Variants in CCDC174 observed in about 807,000 individuals in gnomAD.
CCDC174 encodes coiled-coil domain containing 174, also known as coiled-coil domain-containing protein 174.
In CCDC174, 37 loss-of-function variants were observed where a neutral mutation model predicts 57.1. The ratio of observed to expected loss-of-function variants is 0.65; its 90% confidence interval spans 0.50 to 0.85. The LOEUF is 0.85. Ranked by LOEUF, CCDC174 falls within the 40% of genes least tolerant of loss-of-function variation. The probability of loss-of-function intolerance (pLI) is 0.00; values close to 1 mark genes in which losing one functional copy is unlikely to be tolerated. For missense variants in CCDC174, 540 were observed against 574.3 expected (o/e 0.94, Z 0.61); for synonymous variants, 182 against 190.2 (o/e 0.96, Z 0.35).
intron 7 of CCDC174, 140 bp from the exon 8 acceptor site, chr3:14,667,284 C>T (rs575324862): frequency 2.0e-4 from 143 of 707,840 alleles, no homozygotes; most frequent in South Asian, 9.2e-4. Flanking sequence ...TTTGTTTCTT[C>T]GCTTAGCTGT....
At chr3:14,667,554 G>T (rs1435395973) in intron 8 of CCDC174, 36 bp downstream of exon 8, 2 of 1,509,402 alleles carry the variant, frequency 1.3e-6, no homozygotes, top group Admixed American at 1.7e-5. Context: ...GAGGAAAGAT[G>T]TGAGCGCTTG....
At chr3:14,663,532 A>G (rs1431286763) in intron 5 of CCDC174, among the ~76,000 whole-genome samples, 2 of 152,182 alleles carry the variant, frequency 1.3e-5, no homozygotes. Context: ...GGAAGATGGC[A>G]TGGCTGTTAG....
At chr3:14,652,698 T>TA in intron 1 of CCDC174, among the ~76,000 whole-genome samples, 1 of 152,040 alleles carries the variant, frequency 6.6e-6, no homozygotes, top group Non-Finnish European at 1.5e-5. Flanking sequence ...GGTCGGGAGT[T>TA]TGAGACCAGT....
chr3:14,666,738 GACTGT>G, intron 6 of CCDC174, 62 bp from the exon 7 acceptor site: 1 of 1,295,572 alleles, frequency 7.7e-7, no homozygotes, highest in Admixed American at 2.5e-5. Flanking sequence ...TGATGCAACT[GACTGT>G]ACTTAAACAC....
intron 5 of CCDC174, chr3:14,661,921 A>G (rs2031153084): frequency 2.0e-6 from 1 of 490,738 alleles, no homozygotes; most frequent in South Asian, 3.1e-5. Flanking sequence ...CAATAATTAC[A>G]TATAATTACA....
Position 14,666,911 on chromosome 3 carries a change from A to G in CCDC174, c.688A>G (p.Met230Val), listed in dbSNP as rs2031362631. ...EEEREALKRP[M>V]GPVHYEDIRE... ...AGAAAGAGAGGCCCTGAAGAGGCCCATGGGGCCCGTACATTATGAAGACAT... is the reference window on the plus strand; with the variant it reads ...AGAAAGAGAGGCCCTGAAGAGGCCCGTGGGGCCCGTACATTATGAAGACAT... The change falls in exon 7 of 11, where the codon ATG (methionine) becomes GTG (valine). Residue 230 changes from methionine (M) to valine (V), a missense_variant. Physicochemically the swap from Met to Val is conservative, Grantham distance 21. Transcript: ENST00000383794. 1 of 1,600,856 alleles carries G rather than the reference A, an allele frequency of 6.2e-7. No homozygotes were observed. Among genetic ancestry groups the G allele is most frequent in the South Asian group, 1.1e-5 (1 of 88,402 alleles).
chr3:14,654,951 A>G (rs1219461687), intron 2 of CCDC174, among the ~76,000 whole-genome samples: 1 of 152,206 alleles, frequency 6.6e-6, no homozygotes, highest in African/African-American at 2.4e-5. Context: ...TAATATGTAC[A>G]TTTTCATTAA....
chr3:14,665,403 C>G (rs2031281853), intron 6 of CCDC174, among the ~76,000 whole-genome samples: 1 of 152,148 alleles, frequency 6.6e-6, no homozygotes, highest in Non-Finnish European at 1.5e-5. Context: ...CAAACGAAAC[C>G]AGCAAACCAG....
intron 6 of CCDC174, among the ~76,000 whole-genome samples, chr3:14,665,515 ATTT>A (rs1242140245): frequency 6.6e-6 from 1 of 152,182 alleles, no homozygotes; most frequent in Non-Finnish European, 1.5e-5. Flanking sequence ...GTATCATTGC[ATTT>A]TTGAAGTAAG....
rs2030782611 is a variant in CCDC174, at chr3:14,651,957, T to C, written c.42+79T>C. ...CAGACAAGAATGTCGACCTAGCTTG[T>C]TTCTTCACTCGGGGACCCAGAGACC... On this transcript the variant is annotated intron_variant, in intron 1 of 10. Transcript: ENST00000383794. The C allele has an allele frequency of 3.5e-6, 5 of 1,432,412 alleles. No individual in the cohort carries two copies. In the South Asian group the frequency reaches 3.5e-5, roughly 10 times the overall value. The allele number at this position is 1,432,412 out of a possible 1,614,324, so 88.7% of individuals were successfully genotyped here.
intron 5 of CCDC174, among the ~76,000 whole-genome samples, chr3:14,663,142 C>T (rs1210309790): frequency 6.6e-6 from 1 of 152,192 alleles, no homozygotes; most frequent in African/African-American, 2.4e-5. Flanking sequence ...CAGCCTCGAC[C>T]TCCTGGGCTG....
At chr3:14,659,836 G>T (rs965951927) in intron 4 of CCDC174, among the ~76,000 whole-genome samples, 4 of 152,186 alleles carry the variant, frequency 2.6e-5, no homozygotes, top group African/African-American at 9.7e-5. Context: ...GAGAAGTTGG[G>T]CTTAGCTTTG....
intron 3 of CCDC174, among the ~76,000 whole-genome samples, chr3:14,657,800 G>C (rs1450651843): frequency 2.0e-5 from 3 of 152,172 alleles, no homozygotes; most frequent in African/African-American, 2.4e-5. Context: ...GTGGTTGGCT[G>C]CTTCTTGCTG....
chr3:14,669,525 T>A (rs930815274), intron 9 of CCDC174, among the ~76,000 whole-genome samples: 16 of 152,190 alleles, frequency 1.1e-4, no homozygotes, highest in African/African-American at 3.9e-4. Context: ...CCCTTGGCTC[T>A]GCTTGCTTCG....
At position 14,666,940 on chromosome 3, in the gene CCDC174, G is replaced by A; in HGVS notation, c.717G>A (p.Arg239=). The part of the protein sequence containing the change: ...PMGPVHYEDI[R]ENEARQLGVG... ...GGCCCGTACATTATGAAGACATTCG[G>A]GAAAATGGTATGACTATTTTCTTGC... Residue 239 remains arginine (R), a synonymous_variant, in exon 7 of 11, where the codon CGG becomes CGA. Coordinates refer to ENST00000383794, the MANE Select transcript of CCDC174 (RefSeq NM_016474.5). 1.3e-6 allele frequency: 2 copies of A among 1,573,854 alleles called. No homozygotes were observed. The highest frequency in any genetic ancestry group is 1.7e-6 in the Non-Finnish European group (2 of 1,168,104).
At chr3:14,670,267 C>G (rs537774124) in intron 10 of CCDC174, among the ~76,000 whole-genome samples, 181 bp downstream of exon 10, 1 of 152,236 alleles carries the variant, frequency 6.6e-6, no homozygotes, top group African/African-American at 2.4e-5. Flanking sequence ...CTCATATGCT[C>G]TGTTTTTAGC....
chr3:14,652,568 C>T (rs993043240), intron 1 of CCDC174, among the ~76,000 whole-genome samples: 1 of 152,138 alleles, frequency 6.6e-6, no homozygotes, highest in African/African-American at 2.4e-5. Context: ...GAAATTGAGG[C>T]CTGGAAAGAT....
In CCDC174 at chr3:14,665,061, G is replaced by A. The variant is rs2031269936; in HGVS notation, c.519G>A (p.Arg173=). 1 of 1,614,076 alleles carries A rather than the reference G, an allele frequency of 6.2e-7. No individual in the cohort carries two copies. The highest frequency in any genetic ancestry group is 8.5e-7 in the Non-Finnish European group (1 of 1,179,990). The change falls in exon 6 of 11, where the codon CGG becomes CGA. Residue 173 remains arginine (R), a synonymous_variant. Transcript: ENST00000383794. ...ACGTGGACTCTTTGGGGCGTTCCCG[G>A]CGCTGTATGAGAAAGGATTTGCCAG... The part of the protein sequence containing the change: ...VDYVDSLGRS[R]RCMRKDLPDL...
chr3:14,665,197 C>A, intron 6 of CCDC174, 74 bp downstream of exon 6: 1 of 994,484 alleles, frequency 1.0e-6, no homozygotes, highest in Middle Eastern at 2.1e-4. Context: ...TGAGGGGAGG[C>A]TGTTTTATAA....
Sources: gnomAD v4.1 joint callset for allele counts (sites outside exome capture counted in the v4.1 genomes callset) on GRCh38, gnomAD v4.1.1 for gene constraint, MANE v1.5 for transcripts, NCBI Gene and HGNC (gene_info 2026-07-23, HGNC 2026-07-21) for gene names.